The following MAPT variants were observed in gnomAD, a reference collection of about 807,000 sequenced individuals.
MAPT encodes microtubule-associated protein tau.
Under a neutral mutation model 67.9 loss-of-function variants are expected in MAPT, and 34 were observed. That is an observed-to-expected ratio of 0.50 (90% CI 0.38 to 0.67). The LOEUF (loss-of-function observed/expected upper bound fraction) is 0.67, where lower values mean the gene tolerates loss of function less well. Ranked by LOEUF, MAPT falls within the 30% of genes least tolerant of loss-of-function variation. The pLI is 0.00. For synonymous variants in MAPT, 456 were observed against 464.5 expected (o/e 0.98, Z 0.23); for missense variants, 881 against 1,115.2 (o/e 0.79, Z 2.99).
chr17:45,981,121 C>T (rs545795589), intron 4 of MAPT, among the ~76,000 whole-genome samples: 5 of 152,274 alleles, frequency 3.3e-5, no homozygotes, highest in Middle Eastern at 3.4e-3. Context: ...ACCTTGCCTC[C>T]GATGGGGTCG....
At chr17:45,953,594 G>A (rs2069307684) in intron 1 of MAPT, among the ~76,000 whole-genome samples, 1 of 152,184 alleles carries the variant, frequency 6.6e-6, no homozygotes, top group Non-Finnish European at 1.5e-5. Context: ...GTAAATAGTA[G>A]CCTGTATTTT....
chr17:45,946,615 A>AAAAAAAAAATATATATATATATATAT, intron 1 of MAPT, among the ~76,000 whole-genome samples: 3 of 100,408 alleles, frequency 3.0e-5, no homozygotes, highest in Non-Finnish European at 5.9e-5. Context: ...AAAAAAAAAA[A>AAAAAAAAAATATATATATATATATAT]ATATATATAT....
intron 1 of MAPT, among the ~76,000 whole-genome samples, chr17:45,905,885 G>A (rs1435912780): frequency 1.3e-5 from 2 of 152,254 alleles, no homozygotes; most frequent in Non-Finnish European, 2.9e-5. Flanking sequence ...GCTGGGGGAT[G>A]CCTCCCAGGA....
rs773178106 is a variant in MAPT, at chr17:45,991,532, G to A, written c.1678G>A (p.Ala560Thr). The change falls in exon 8 of 13, where the codon GCC becomes ACC. Residue 560 changes from alanine (A) to threonine (T), a missense_variant. By Grantham distance (58) the Ala-to-Thr change is moderately conservative (BLOSUM62 0). Around this residue, in one of 6 missense-constraint regions of MAPT, gnomAD observed 687 missense variants for 766.1 expected, o/e 0.90. Transcript: ENST00000262410. ...TCCAGGCCAGAAGGGCCAGGCCAAC[G>A]CCACCAGGATTCCAGCAAAAACCCC... ...APPGQKGQAN[A>T]TRIPAKTPPA... 1.2e-6 allele frequency: 2 copies of A among 1,614,186 alleles called. No individual in the cohort carries two copies. Among genetic ancestry groups the A allele is most frequent in the South Asian group, 1.1e-5 (1 of 91,078 alleles).
chr17:45,985,863 A>G, intron 5 of MAPT: 1 of 251,828 alleles, frequency 4.0e-6, no homozygotes, highest in Non-Finnish European at 6.3e-6. Context: ...TCTGCCACAT[A>G]GTATAGTTGG....
At chr17:46,015,323 G>T (rs2076100540) in intron 11 of MAPT, among the ~76,000 whole-genome samples, 1 of 151,636 alleles carries the variant, frequency 6.6e-6, no homozygotes, top group Non-Finnish European at 1.5e-5. Flanking sequence ...TCTTGCCACT[G>T]CACTCCAGCC....
At chr17:45,974,408 G>A (rs540897933) in intron 3 of MAPT, 10 of 1,610,448 alleles carry the variant, frequency 6.2e-6, no homozygotes, top group South Asian at 1.1e-5. Flanking sequence ...CTTAGTGGAT[G>A]AGGGAGCTCC....
Position 45,983,028 on chromosome 17 carries a change from G to A in MAPT, c.449G>A (p.Ser150Asn). 6.7e-7 allele frequency: 1 copy of A among 1,482,518 alleles called. No individual in the cohort carries two copies. The highest frequency in any genetic ancestry group is 9.0e-7 in the Non-Finnish European group (1 of 1,114,306). 91.8% of individuals were successfully genotyped at this position (1,482,518 alleles called of 1,614,324 possible). Reference protein sequence around the residue: ...EPEAPVPLTASLPQHRPVCPA... With the variant: ...EPEAPVPLTANLPQHRPVCPA... Reference sequence around the variant, plus strand: ...GAAGCTCCCGTCCCGCTGACCGCGAGCCTTCCTCAGCACCGTCCCGTTTGC... The same window carrying A: ...GAAGCTCCCGTCCCGCTGACCGCGAACCTTCCTCAGCACCGTCCCGTTTGC... The change falls in exon 5 of 13, where the codon AGC (serine) becomes AAC (asparagine). Residue 150 changes from serine to asparagine, a missense_variant. By Grantham distance (46) the Ser-to-Asn change is conservative. This residue lies in a region of MAPT where 687 missense variants were observed against 766.1 expected (regional missense o/e 0.90). Transcript: ENST00000262410.
Position 46,010,469 on chromosome 17 carries a change from G to A in MAPT, c.2091+67G>A, listed in dbSNP as rs567911073. 125 of 1,092,284 alleles carry A rather than the reference G, an allele frequency of 1.1e-4. 2 individuals carry two copies. The highest frequency in any genetic ancestry group is 9.7e-4 in the Middle Eastern group (5 of 5,140). 67.7% of individuals were successfully genotyped at this position (1,092,284 alleles called of 1,614,324 possible). A position where few individuals can be genotyped will look rare whatever the true frequency, so the allele number is the denominator to read the frequency against. ...AATTATTAGGAAGTGGTGTGAGTGC[G>A]TACACTTGCGAGACACTGCATAGAA... On this transcript the variant is annotated intron_variant, in intron 10 of 12. Coordinates refer to ENST00000262410, the MANE Select transcript of MAPT (RefSeq NM_001377265.1). This position sits in a 1 kb window ranked among gnomAD's most constrained non-coding sequence, Gnocchi z 4.7.
chr17:45,977,304 T>G (rs2072473782), intron 3 of MAPT: 1 of 152,218 alleles, frequency 6.6e-6, no homozygotes, highest in Admixed American at 6.5e-5. Context: ...GCGGTGGGGA[T>G]CCGGCATTCC....
intron 1 of MAPT, among the ~76,000 whole-genome samples, chr17:45,954,722 T>G (rs192415226): frequency 8.9e-4 from 136 of 152,316 alleles, no homozygotes; most frequent in African/African-American, 3.2e-3. Context: ...GGCTCACGCC[T>G]GTAATCCCAG....
intron 1 of MAPT, among the ~76,000 whole-genome samples, chr17:45,942,750 A>C (rs750186837): frequency 1.2e-4 from 19 of 152,270 alleles, no homozygotes; most frequent in Non-Finnish European, 1.9e-4. Context: ...ATAAAGTTTT[A>C]ACGATGGTAA....
chr17:45,974,550 A>G, intron 3 of MAPT: 1 of 1,163,682 alleles, frequency 8.6e-7, no homozygotes, highest in Non-Finnish European at 1.3e-6. Context: ...GAAGTGAGGG[A>G]GCTTTGCGTG....
intron 1 of MAPT, among the ~76,000 whole-genome samples, chr17:45,944,680 C>T (rs1034258471): frequency 1.3e-5 from 2 of 152,192 alleles, no homozygotes; most frequent in African/African-American, 4.8e-5. Context: ...GAAACCAAAG[C>T]CTAGGAGCTG....
intron 1 of MAPT, among the ~76,000 whole-genome samples, chr17:45,943,539 T>C (rs1246585251): frequency 1.3e-5 from 2 of 152,162 alleles, no homozygotes; most frequent in African/African-American, 4.8e-5. Flanking sequence ...GAAAACATCT[T>C]AAAAACTATC....
chr17:45,985,931 A>G (rs139688076), intron 5 of MAPT, among the ~76,000 whole-genome samples: 170 of 152,336 alleles, frequency 1.1e-3, no homozygotes, highest in African/African-American at 4.0e-3. Context: ...ACAATAGCCA[A>G]TGAGAAGCTC....
At chr17:46,021,335 G>A (rs1311776763) in intron 12 of MAPT, among the ~76,000 whole-genome samples, 2 of 152,206 alleles carry the variant, frequency 1.3e-5, no homozygotes, top group Non-Finnish European at 2.9e-5. Flanking sequence ...AGATGTGGGG[G>A]CCAGGTCCAG....
chr17:45,960,954 C>T (rs2070340437), intron 1 of MAPT, among the ~76,000 whole-genome samples: 1 of 152,176 alleles, frequency 6.6e-6, no homozygotes. Context: ...TTTCACACCT[C>T]TGTCCACCAT....
intron 1 of MAPT, among the ~76,000 whole-genome samples, chr17:45,903,937 T>TATATATA (rs1429696369): frequency 7.8e-5 from 2 of 25,656 alleles, no homozygotes; most frequent in African/African-American, 1.6e-4. Context: ...ATTATATATT[T>TATATATA]ATATATAATA....
Sources: allele counts gnomAD v4.1 joint callset (sites outside exome capture counted in the v4.1 genomes callset), GRCh38; gene constraint gnomAD v4.1.1; regional missense constraint gnomAD v4.1.1; non-coding constraint Gnocchi (gnomAD v3.1); transcripts MANE v1.5; gene names NCBI Gene and HGNC (gene_info 2026-07-23, HGNC 2026-07-21).